The following CDH4 variants were observed in gnomAD, a reference collection of about 807,000 sequenced individuals.
CDH4 encodes the protein cadherin 4.
Under a neutral mutation model 86.0 loss-of-function variants are expected in CDH4, and 33 were observed. That is an observed-to-expected ratio of 0.38 (90% CI 0.29 to 0.51). CDH4 has a LOEUF of 0.51. CDH4 is among the 20% of genes least tolerant of loss of function. The pLI is 0.86. For missense variants in CDH4, 1,114 were observed against 1,307.4 expected (o/e 0.85, Z 2.28); for synonymous variants, 555 against 549.4 (o/e 1.01, Z -0.14).
At position 61,929,613 on chromosome 20, in the gene CDH4, C is replaced by T. The variant is rs2055083065; in HGVS notation, c.2010C>T (p.Asp670=). The part of the protein sequence containing the change: ...KNWTITRLNG[D]YAQLSLRILY... ...TTTACTGTTGCTTTGCACCAGGTGA[C>T]TATGCCCAACTCAGCTTGCGCATCC... Residue 670 remains aspartate, a synonymous_variant, in exon 13 of 16, where the codon GAC becomes GAT. Coordinates refer to ENST00000614565, the MANE Select transcript of CDH4 (RefSeq NM_001794.5). The T allele has an allele frequency of 6.2e-7, 1 of 1,612,690 alleles. No individual in the cohort carries two copies. The highest frequency in any genetic ancestry group is 1.1e-5 in the South Asian group (1 of 91,062).
At chr20:61,479,160 G>C (rs913787572) in intron 2 of CDH4, among the ~76,000 whole-genome samples, 1 of 147,696 alleles carries the variant, frequency 6.8e-6, no homozygotes, top group Non-Finnish European at 1.5e-5. Context: ...ATTTTCTCTT[G>C]ATCACTGGTT....
intron 2 of CDH4, among the ~76,000 whole-genome samples, chr20:61,396,820 G>A (rs1235490451): frequency 6.6e-6 from 1 of 152,222 alleles, no homozygotes; most frequent in East Asian, 1.9e-4. Flanking sequence ...AAGCCCTGGG[G>A]TGGGGAGGGA....
intron 2 of CDH4, among the ~76,000 whole-genome samples, chr20:61,367,026 C>T (rs2084813965): frequency 6.6e-6 from 1 of 152,166 alleles, no homozygotes; most frequent in Admixed American, 6.5e-5. Flanking sequence ...CGGGGCCCAT[C>T]GACCCCACCC....
rs1980405490 is a variant in CDH4, at chr20:61,810,982, G to A, written c.577-33686G>A. 6.6e-6 allele frequency among the ~76,000 whole-genome samples: 1 copy of A among 152,210 alleles called. No individual in the cohort carries two copies. Among genetic ancestry groups the A allele is most frequent in the Non-Finnish European group, 1.5e-5 (1 of 68,044 alleles). On this transcript the variant is annotated intron_variant, in intron 4 of 15. Transcript: ENST00000614565. This position sits in a 1 kb window ranked among gnomAD's most constrained non-coding sequence, Gnocchi z 4.3. ...GCAAATGATGCTGCATTTGTAACGGGAGCTAGAAAGGAATCAGTCAAACGA... is the reference window on the plus strand; with the variant it reads ...GCAAATGATGCTGCATTTGTAACGGAAGCTAGAAAGGAATCAGTCAAACGA...
At position 61,261,216 on chromosome 20, in the gene CDH4, T is replaced by C. The variant is rs73915242; in HGVS notation, c.169+6279T>C. The stretch of plus-strand genomic sequence containing the variant: ...AGTCAGTGATTCCTAAGTCAGTGAT[T>C]CCTAAGTCAGTGGATCAGGATTCCC... On this transcript the variant is annotated intron_variant, in intron 2 of 15. Coordinates refer to ENST00000614565, the MANE Select transcript of CDH4 (RefSeq NM_001794.5). 5.4e-3 allele frequency among the ~76,000 whole-genome samples: 815 copies of C among 152,282 alleles called. 7 individuals are homozygous for C. Among genetic ancestry groups the C allele is most frequent in the African/African-American group, 0.018 (760 of 41,554 alleles).
intron 2 of CDH4, among the ~76,000 whole-genome samples, chr20:61,282,294 G>C (rs1424157882): frequency 6.6e-6 from 1 of 152,162 alleles, no homozygotes; most frequent in Non-Finnish European, 1.5e-5. Flanking sequence ...GGAAGACGGA[G>C]GTTTCAGTGA....
chr20:61,723,974 T>C (rs35228996), intron 2 of CDH4, among the ~76,000 whole-genome samples: 10,400 of 45,352 alleles, frequency 0.23, 233 homozygotes, highest in East Asian at 0.43. Context: ...AGGCTCCATG[T>C]GGCAGGGGGG....
chr20:61,646,569 C>T (rs1299576642), intron 2 of CDH4, among the ~76,000 whole-genome samples: 1 of 152,220 alleles, frequency 6.6e-6, no homozygotes, highest in African/African-American at 2.4e-5. Context: ...AACGGGGTTG[C>T]TGTGGGGGAT....
At chr20:61,409,597 A>G (rs973621874) in intron 2 of CDH4, among the ~76,000 whole-genome samples, 3 of 152,208 alleles carry the variant, frequency 2.0e-5, no homozygotes, top group Non-Finnish European at 2.9e-5. Context: ...AATCATTTCA[A>G]AGAGGCAGTA....
chr20:61,628,597 G>A (rs924177496), intron 2 of CDH4, among the ~76,000 whole-genome samples: 20 of 152,370 alleles, frequency 1.3e-4, no homozygotes, highest in African/African-American at 4.6e-4. Flanking sequence ...CCACCAGGCA[G>A]CAGGGCCTCC....
chr20:61,302,795 G>A (rs564059094), intron 2 of CDH4, among the ~76,000 whole-genome samples: 20 of 152,334 alleles, frequency 1.3e-4, no homozygotes, highest in Non-Finnish European at 2.2e-4. Flanking sequence ...CTCTGCAGAT[G>A]TGATGAAAGT....
chr20:61,848,122 C>A (rs998479175), intron 5 of CDH4, among the ~76,000 whole-genome samples: 1 of 152,278 alleles, frequency 6.6e-6, no homozygotes, highest in Admixed American at 6.5e-5. Context: ...AGCAAACCCC[C>A]AGAAAGATGG....
At chr20:61,740,822 T>G (rs6061784) in intron 2 of CDH4, 4 of 152,236 alleles carry the variant, frequency 2.6e-5, no homozygotes, top group Middle Eastern at 3.4e-3. Flanking sequence ...ATGGTTAGAC[T>G]GAAACAGGAT....
intron 2 of CDH4, among the ~76,000 whole-genome samples, chr20:61,567,553 C>T (rs6142799): frequency 0.034 from 5,114 of 152,280 alleles, 294 homozygotes; most frequent in African/African-American, 0.11. Flanking sequence ...ACATCATCAC[C>T]TTGGGGCTTA....
chr20:61,604,476 A>G (rs6121722), intron 2 of CDH4, among the ~76,000 whole-genome samples: 94,889 of 152,074 alleles, frequency 0.62, 30,581 homozygotes, highest in Non-Finnish European at 0.7. Context: ...TCCTTTCAGC[A>G]TATTCCCAGG....
intron 2 of CDH4, among the ~76,000 whole-genome samples, chr20:61,258,597 C>A (rs920659212): frequency 6.6e-6 from 1 of 152,316 alleles, no homozygotes; most frequent in Middle Eastern, 3.4e-3. Flanking sequence ...TCTTGGCCAA[C>A]AGAATAAAAC....
chr20:61,662,142 A>G (rs1359189741), intron 2 of CDH4, among the ~76,000 whole-genome samples: 4 of 152,020 alleles, frequency 2.6e-5, no homozygotes, highest in African/African-American at 4.8e-5. Context: ...TTGAACCCCA[A>G]CTGACCCCCC....
rs1485380789 is a variant in CDH4 at position 61,409,654 on chromosome 20, A to G, written c.169+154717A>G. Among the ~76,000 whole-genome samples the G allele has an allele frequency of 2.0e-5, 3 of 152,382 alleles. No individual in the cohort carries two copies. The East Asian group carries it at 5.8e-4, about 29-fold the overall frequency. On this transcript the variant is annotated intron_variant, in intron 2 of 15. Coordinates refer to ENST00000614565, the MANE Select transcript of CDH4 (RefSeq NM_001794.5). ...AGCAGGCAGAGCCGCTGCGTGTGAC[A>G]CAGGTTGGTCGCAGAAATCAGTCTA...
chr20:61,471,160 G>A (rs2085499963), intron 2 of CDH4, among the ~76,000 whole-genome samples: 1 of 151,988 alleles, frequency 6.6e-6, no homozygotes, highest in Admixed American at 6.5e-5. Context: ...AAGCCAGTGG[G>A]TCCTGGGCTT....
Sources: gnomAD v4.1 joint callset for allele counts (sites outside exome capture counted in the v4.1 genomes callset) on GRCh38, gnomAD v4.1.1 for gene constraint, Gnocchi (gnomAD v3.1) non-coding constraint, MANE v1.5 for transcripts, NCBI Gene and HGNC (gene_info 2026-07-23, HGNC 2026-07-21) for gene names.